The following PPP1R12A variants were observed in gnomAD, a reference collection of about 807,000 sequenced individuals.
The protein encoded by PPP1R12A is protein phosphatase 1 regulatory subunit 12A.
In PPP1R12A, 19 loss-of-function variants were observed where a neutral mutation model predicts 139.6. That is an observed-to-expected ratio of 0.14 (90% CI 0.09 to 0.20). PPP1R12A has a LOEUF of 0.20. PPP1R12A is among the 10% of genes least tolerant of loss of function. The pLI is 1.00. For missense variants in PPP1R12A, 925 were observed against 1,211.5 expected, an observed-to-expected ratio of 0.76 and a Z score of 3.51; for synonymous variants, 427 against 420.6, an observed-to-expected ratio of 1.02 and a Z score of -0.19.
At chr12:79,930,744 C>A (rs998018712) in intron 1 of PPP1R12A, among the ~76,000 whole-genome samples, 2 of 151,912 alleles carry the variant, frequency 1.3e-5, no homozygotes, top group Admixed American at 1.3e-4. Flanking sequence ...TGCACTCCAG[C>A]CTGGGCAACA....
Position 79,805,754 on chromosome 12 carries a change from A to C in PPP1R12A, c.1838T>G (p.Leu613Trp). The C allele has an allele frequency of 6.2e-7, 1 of 1,612,402 alleles. No individual in the cohort carries two copies. The highest frequency in any genetic ancestry group is 8.5e-7 in the Non-Finnish European group (1 of 1,178,966). Residue 613 changes from leucine (L) to tryptophan (W), a missense_variant, in exon 14 of 25, where the codon TTG (leucine) becomes TGG (tryptophan). Leu to Trp is a moderately conservative substitution (Grantham distance 61). Transcript: ENST00000450142. ...AGTQSSTSNR[L>W]WAEDSTEKEK... is the part of the protein sequence containing the mutation. ...TTTCTCAGTACTATCCTCAGCCCAC[A>C]AACGATTTGAGGTACTATAGCATCA...
At chr12:79,894,682 A>G (rs1884973016) in intron 1 of PPP1R12A, among the ~76,000 whole-genome samples, 1 of 152,168 alleles carries the variant, frequency 6.6e-6, no homozygotes, top group South Asian at 2.1e-4. Flanking sequence ...AAATCTTCCT[A>G]AAATCTATCA....
intron 3 of PPP1R12A, among the ~76,000 whole-genome samples, chr12:79,840,435 T>C (rs1356141142): frequency 6.6e-6 from 1 of 152,172 alleles, no homozygotes; most frequent in African/African-American, 2.4e-5. Context: ...TTCACATCTT[T>C]ACATATCCTA....
Position 79,795,775 on chromosome 12 carries a change from A to G in PPP1R12A, c.2462-16T>C, listed in dbSNP as rs1166624676. ...TTTTCTCCCTCTGTTAAGGATTGCA[A>G]TGAACCACAATATAGCAATATATCT... On this transcript the variant is annotated splice_polypyrimidine_tract_variant and intron_variant, in intron 17 of 24. Transcript: ENST00000450142. 1.9e-6 allele frequency: 3 copies of G among 1,603,968 alleles called. No individual in the cohort carries two copies. The highest frequency in any genetic ancestry group is 2.7e-5 in the African/African-American group (2 of 74,106).
intron 2 of PPP1R12A, among the ~76,000 whole-genome samples, chr12:79,869,631 T>G (rs1172753347): frequency 6.6e-6 from 1 of 152,050 alleles, no homozygotes; most frequent in Non-Finnish European, 1.5e-5. Context: ...TGTAAACCAG[T>G]AGGGAATGTT....
chr12:79,791,007 A>G (rs560942774), intron 19 of PPP1R12A, among the ~76,000 whole-genome samples: 3 of 152,300 alleles, frequency 2.0e-5, no homozygotes, highest in South Asian at 4.1e-4. Context: ...AAAATGTTTT[A>G]CTAAAGTCTG....
intron 3 of PPP1R12A, among the ~76,000 whole-genome samples, chr12:79,837,153 T>C (rs955605419): frequency 2.0e-5 from 3 of 152,186 alleles, no homozygotes; most frequent in African/African-American, 7.2e-5. Flanking sequence ...ACCCACCTAC[T>C]ATAATTGCAA....
chr12:79,856,845 T>C (rs1880714607), intron 2 of PPP1R12A, among the ~76,000 whole-genome samples: 1 of 152,232 alleles, frequency 6.6e-6, no homozygotes, highest in African/African-American at 2.4e-5. Flanking sequence ...ATTCAAGTGT[T>C]GGAAACAGAA....
chr12:79,846,442 T>C (rs1444352385), intron 2 of PPP1R12A, among the ~76,000 whole-genome samples: 2 of 152,164 alleles, frequency 1.3e-5, no homozygotes, highest in Non-Finnish European at 2.9e-5. Context: ...TCTCTCTGTT[T>C]TTTTTGAGAC....
At chr12:79,830,651 A>G (rs548398679) in intron 4 of PPP1R12A, among the ~76,000 whole-genome samples, 2 of 152,326 alleles carry the variant, frequency 1.3e-5, no homozygotes, top group African/African-American at 4.8e-5. Flanking sequence ...GACAGATGTA[A>G]AAGTGTAACT....
At chr12:79,854,378 C>T (rs757475746) in intron 2 of PPP1R12A, among the ~76,000 whole-genome samples, 2 of 152,114 alleles carry the variant, frequency 1.3e-5, no homozygotes, top group Non-Finnish European at 2.9e-5. Flanking sequence ...TTTCTGGCTT[C>T]CTACTGTACT....
chr12:79,846,413 C>A (rs572321630), intron 2 of PPP1R12A, among the ~76,000 whole-genome samples: 1 of 150,518 alleles, frequency 6.6e-6, no homozygotes, highest in African/African-American at 2.5e-5. Context: ...CCATCTATTA[C>A]CCAAGTCAAT....
In PPP1R12A at chr12:79,935,036, G is replaced by C; in HGVS notation, c.-105C>G. 7.0e-7 allele frequency: 1 copy of C among 1,429,102 alleles called. No individual in the cohort carries two copies. Among genetic ancestry groups the C allele is most frequent in the Non-Finnish European group, 9.2e-7 (1 of 1,091,656 alleles). 88.5% of individuals were successfully genotyped at this position (1,429,102 alleles called of 1,614,324 possible). A position where few individuals can be genotyped will look rare whatever the true frequency, so the allele number is the denominator to read the frequency against. On this transcript the variant is annotated 5_prime_UTR_variant, in exon 1 of 25. Coordinates refer to ENST00000450142, the MANE Select transcript of PPP1R12A (RefSeq NM_002480.3). Reference sequence around the variant, plus strand: ...TGTGTGAATGTTTCTATGAGTGCGGGCCAGAGGAGGGCTGGGAACCCGGAG... The same window carrying C: ...TGTGTGAATGTTTCTATGAGTGCGGCCCAGAGGAGGGCTGGGAACCCGGAG...
rs376769427 is a variant in PPP1R12A, at chr12:79,824,357, C to A, written c.793-2167G>T. ...ATCATTTTAAGCATTATCAACCCTTCTCATGAATGAACTACCCCACCTTGA... is the reference window on the plus strand; with the variant it reads ...ATCATTTTAAGCATTATCAACCCTTATCATGAATGAACTACCCCACCTTGA... On this transcript the variant is annotated intron_variant, in intron 5 of 24. Coordinates refer to ENST00000450142, the MANE Select transcript of PPP1R12A (RefSeq NM_002480.3). Among the ~76,000 whole-genome samples, 127 of 152,256 alleles carry A rather than the reference C, an allele frequency of 8.3e-4. 1 individual carries two copies. In the South Asian group the frequency reaches 0.024, roughly 29 times the overall value.
chr12:79,933,075 C>A (rs1888367594), intron 1 of PPP1R12A, among the ~76,000 whole-genome samples: 1 of 152,130 alleles, frequency 6.6e-6, no homozygotes, highest in South Asian at 2.1e-4. Flanking sequence ...ATTCTCAACA[C>A]CATGGTTTTA....
chr12:79,834,735 A>T (rs1316312190), intron 3 of PPP1R12A, among the ~76,000 whole-genome samples: 2 of 152,206 alleles, frequency 1.3e-5, no homozygotes, highest in African/African-American at 4.8e-5. Flanking sequence ...AGAACTAGGG[A>T]AATAATAAAA....
intron 1 of PPP1R12A, among the ~76,000 whole-genome samples, chr12:79,932,735 G>A (rs1454616109): frequency 3.9e-5 from 6 of 151,922 alleles, no homozygotes; most frequent in Non-Finnish European, 4.4e-5. Context: ...AATATTGAGA[G>A]GAGAAAAAAA....
chr12:79,888,915 A>AT (rs1403478403), intron 1 of PPP1R12A, among the ~76,000 whole-genome samples: 1 of 152,216 alleles, frequency 6.6e-6, no homozygotes, highest in Non-Finnish European at 1.5e-5. Flanking sequence ...ATCTATCAAA[A>AT]TTCAAAGGCA....
At chr12:79,915,515 T>C (rs1485573664) in intron 1 of PPP1R12A, among the ~76,000 whole-genome samples, 1 of 152,140 alleles carries the variant, frequency 6.6e-6, no homozygotes, top group African/African-American at 2.4e-5. Flanking sequence ...TAAAAATTAT[T>C]ATACTGTTGT....
Sources: gnomAD v4.1 joint callset for allele counts (sites outside exome capture counted in the v4.1 genomes callset) on GRCh38, gnomAD v4.1.1 for gene constraint, MANE v1.5 for transcripts, NCBI Gene and HGNC (gene_info 2026-07-23, HGNC 2026-07-21) for gene names.